SLC25A21: variants seen among roughly 807,000 people sequenced by gnomAD.
The protein encoded by SLC25A21 is mitochondrial 2-oxodicarboxylate carrier.
SLC25A21 carries 47 observed loss-of-function variants against 43.8 expected under a neutral mutation model. The observed-to-expected ratio is 1.07, with a 90% CI of 0.85 to 1.37. SLC25A21 has a LOEUF of 1.37. SLC25A21 is among the 40% of genes most tolerant of loss of function. The pLI, the probability that SLC25A21 is intolerant of heterozygous loss-of-function variation, is 0.00. For missense variants in SLC25A21, 352 were observed against 350.2 expected, an observed-to-expected ratio of 1.00 and a Z score of -0.04; for synonymous variants, 131 against 121.3, an observed-to-expected ratio of 1.08 and a Z score of -0.52.
chr14:37,075,839 T>C (rs1962269218), intron 1 of SLC25A21, among the ~76,000 whole-genome samples: 1 of 152,242 alleles, frequency 6.6e-6, no homozygotes, highest in African/African-American at 2.4e-5. Flanking sequence ...TTTCCCTCGT[T>C]CCATATTTTA....
chr14:36,846,068 C>A (rs1889531391), intron 2 of SLC25A21, among the ~76,000 whole-genome samples: 1 of 152,020 alleles, frequency 6.6e-6, no homozygotes, highest in South Asian at 2.1e-4. Flanking sequence ...TCCTTTATAC[C>A]CAGAGCTCCA....
intron 1 of SLC25A21, among the ~76,000 whole-genome samples, chr14:36,920,751 C>T (rs1891958465): frequency 2.0e-5 from 3 of 152,042 alleles, no homozygotes; most frequent in Admixed American, 1.3e-4. Flanking sequence ...AACTAAAAAA[C>T]TCTTTAAAGG....
intron 2 of SLC25A21, among the ~76,000 whole-genome samples, chr14:36,823,535 CCA>C (rs1888711337): frequency 6.6e-6 from 1 of 152,058 alleles, no homozygotes; most frequent in South Asian, 2.1e-4. Context: ...CCTAGGCTGG[CCA>C]CTACAGTGGT....
chr14:36,725,559 T>A lies in SLC25A21; in HGVS notation c.438+11A>T. ...CATGCCCCTAACAATAGAAAAACAT[T>A]AAATGGTTACCTCTGCAAATGTGTT... On this transcript the variant is annotated intron_variant, in intron 6 of 9. Transcript: ENST00000331299. 2 of 1,458,150 alleles carry A rather than the reference T, an allele frequency of 1.4e-6. No homozygotes were observed. The highest frequency in any genetic ancestry group is 1.8e-6 in the Non-Finnish European group (2 of 1,088,216). 90.3% of individuals were successfully genotyped at this position (1,458,150 alleles called of 1,614,324 possible).
At chr14:36,813,853 A>G in intron 3 of SLC25A21, 65 bp downstream of exon 3, 1 of 1,202,664 alleles carries the variant, frequency 8.3e-7, no homozygotes, top group Non-Finnish European at 1.2e-6. Flanking sequence ...AAAATAAACC[A>G]TTCGAAATGA....
chr14:36,749,129 A>G (rs1276192751), intron 3 of SLC25A21, among the ~76,000 whole-genome samples: 1 of 152,084 alleles, frequency 6.6e-6, no homozygotes, highest in African/African-American at 2.4e-5. Flanking sequence ...TACCTGTCTT[A>G]TGTTTTCTGT....
chr14:36,814,000 A>T lies in SLC25A21; in HGVS notation c.121T>A (p.Phe41Ile). 1.3e-6 allele frequency: 2 copies of T among 1,597,050 alleles called. No individual in the cohort carries two copies. Among genetic ancestry groups the T allele is most frequent in the Non-Finnish European group, 1.7e-6 (2 of 1,175,594 alleles). ...TCGGTTGCACATCTCTGAATCTGAA[A>T]CCTAGAAGCAAAATCAAACCAAAAA... ...MHPLDVVKTR[F>I]QIQRCATDPN... The change falls in exon 3 of 10, where the codon TTT (phenylalanine) becomes ATT (isoleucine). Residue 41 changes from phenylalanine to isoleucine, a missense_variant and splice_region_variant. By Grantham distance (21) the Phe-to-Ile change is conservative. Coordinates refer to ENST00000331299, the MANE Select transcript of SLC25A21 (RefSeq NM_030631.4).
chr14:36,728,912 A>G (rs1490342494), intron 5 of SLC25A21, among the ~76,000 whole-genome samples: 2 of 152,230 alleles, frequency 1.3e-5, no homozygotes, highest in African/African-American at 4.8e-5. Flanking sequence ...AACTTCTGTG[A>G]AAAGCAGCAA....
chr14:36,853,846 C>T (rs576315632), intron 2 of SLC25A21, among the ~76,000 whole-genome samples: 14 of 152,280 alleles, frequency 9.2e-5, no homozygotes, highest in African/African-American at 3.1e-4. Context: ...ATTATGCATC[C>T]AGTGCTTTTG....
intron 1 of SLC25A21, among the ~76,000 whole-genome samples, chr14:37,130,228 T>C (rs1273971555): frequency 6.6e-6 from 1 of 152,128 alleles, no homozygotes; most frequent in Admixed American, 6.5e-5. Flanking sequence ...TGGGCCTCTG[T>C]ACTTGTGCTT....
At chr14:36,774,504 T>C (rs1272123162) in intron 3 of SLC25A21, among the ~76,000 whole-genome samples, 1 of 152,242 alleles carries the variant, frequency 6.6e-6, no homozygotes, top group Non-Finnish European at 1.5e-5. Flanking sequence ...TAATATATTC[T>C]GGACTCCAAA....
intron 2 of SLC25A21, among the ~76,000 whole-genome samples, chr14:36,817,771 T>C (rs958805744): frequency 3.3e-5 from 5 of 152,174 alleles, no homozygotes; most frequent in African/African-American, 1.2e-4. Flanking sequence ...TTTCCTTCCC[T>C]TCTGTGGTCA....
chr14:36,728,355 A>G (rs1884682390), intron 5 of SLC25A21, among the ~76,000 whole-genome samples: 1 of 152,228 alleles, frequency 6.6e-6, no homozygotes, highest in African/African-American at 2.4e-5. Flanking sequence ...ACACAAGAAC[A>G]GCCAGCTGGC....
chr14:36,844,977 T>C (rs941689236), intron 2 of SLC25A21, among the ~76,000 whole-genome samples: 1 of 152,160 alleles, frequency 6.6e-6, no homozygotes, highest in African/African-American at 2.4e-5. Flanking sequence ...CAAGGGGAAG[T>C]TTTTGAAAAG....
chr14:37,134,703 C>T (rs527506668), intron 1 of SLC25A21, among the ~76,000 whole-genome samples: 8 of 151,172 alleles, frequency 5.3e-5, no homozygotes, highest in African/African-American at 1.9e-4. Flanking sequence ...AAACAAACAG[C>T]AACAACAAAA....
At chr14:36,793,731 A>G (rs1222787409) in intron 3 of SLC25A21, among the ~76,000 whole-genome samples, 1 of 152,148 alleles carries the variant, frequency 6.6e-6, no homozygotes, top group Non-Finnish European at 1.5e-5. Flanking sequence ...AGAAATAACT[A>G]TAAACACCAA....
intron 1 of SLC25A21, among the ~76,000 whole-genome samples, chr14:36,948,015 G>A (rs1183163849): frequency 6.6e-6 from 1 of 152,120 alleles, no homozygotes; most frequent in African/African-American, 2.4e-5. Flanking sequence ...TCCAAAGTAT[G>A]AATATTTTAT....
chr14:36,883,689 G>T (rs572242847), intron 1 of SLC25A21, among the ~76,000 whole-genome samples: 1 of 152,216 alleles, frequency 6.6e-6, no homozygotes, highest in South Asian at 2.1e-4. Flanking sequence ...GAATAAAACT[G>T]CTACAATTAT....
At chr14:36,713,012 G>A (rs1032522190) in intron 6 of SLC25A21, among the ~76,000 whole-genome samples, 10 of 152,150 alleles carry the variant, frequency 6.6e-5, no homozygotes, top group Admixed American at 1.3e-4. Flanking sequence ...CTAGAGGTGG[G>A]GGAAGGAGAG....
Sources: allele counts gnomAD v4.1 joint callset (sites outside exome capture counted in the v4.1 genomes callset), GRCh38; gene constraint gnomAD v4.1.1; transcripts MANE v1.5; gene names NCBI Gene and HGNC (gene_info 2026-07-23, HGNC 2026-07-21).